The following TMEM244 variants were observed in gnomAD, a reference collection of about 807,000 sequenced individuals.
TMEM244 encodes transmembrane protein 244, also known as putative transmembrane protein 244.
In TMEM244, 13 loss-of-function variants were observed where a neutral mutation model predicts 15.8. The ratio of observed to expected loss-of-function variants is 0.82; its 90% CI spans 0.53 to 1.30. The LOEUF (loss-of-function observed/expected upper bound fraction) is 1.30. Among genes scored for constraint, TMEM244 ranks in the 50% most tolerant of loss-of-function variants. TMEM244 has a pLI of 0.00. For missense variants in TMEM244, 161 were observed against 144.9 expected (o/e 1.11, Z -0.57); for synonymous variants, 45 against 48.7 (o/e 0.92, Z 0.32).
At chr6:129,853,695 A>G (rs1776665917) in intron 1 of TMEM244, among the ~76,000 whole-genome samples, 1 of 152,196 alleles carries the variant, frequency 6.6e-6, no homozygotes, top group African/African-American at 2.4e-5. Context: ...AGAAAAGACT[A>G]TACCTGTGTA....
At chr6:129,851,049 C>T (rs1208365791) in intron 1 of TMEM244, among the ~76,000 whole-genome samples, 2 of 152,164 alleles carry the variant, frequency 1.3e-5, no homozygotes, top group Admixed American at 1.3e-4. Context: ...TACCTCACCA[C>T]TATATGCTTG....
At chr6:129,838,997 G>T (rs144206746) in intron 3 of TMEM244, among the ~76,000 whole-genome samples, 2 of 152,186 alleles carry the variant, frequency 1.3e-5, no homozygotes, top group African/African-American at 2.4e-5. Context: ...TTCTACCAGA[G>T]GTACAAAGAG....
chr6:129,833,727 C>A, intron 3 of TMEM244, 142 bp from the exon 4 acceptor site: 1 of 802,724 alleles, frequency 1.2e-6, no homozygotes, highest in Non-Finnish European at 1.9e-6. Flanking sequence ...CCTAACAATC[C>A]TCAAATTTGG....
chr6:129,857,521 G>T (rs1008074095), intron 1 of TMEM244, among the ~76,000 whole-genome samples: 2 of 151,888 alleles, frequency 1.3e-5, no homozygotes, highest in Admixed American at 1.3e-4. Flanking sequence ...ACCACGCCTG[G>T]CTAATTTTTT....
chr6:129,852,799 ATCT>A (rs1776652647), intron 1 of TMEM244, among the ~76,000 whole-genome samples: 1 of 152,022 alleles, frequency 6.6e-6, no homozygotes, highest in Non-Finnish European at 1.5e-5. Flanking sequence ...ATTCTAGGTA[ATCT>A]TCTCCTGACT....
At chr6:129,842,302 G>T (rs1005753042) in intron 3 of TMEM244, among the ~76,000 whole-genome samples, 10 of 152,104 alleles carry the variant, frequency 6.6e-5, no homozygotes, top group Non-Finnish European at 1.3e-4. Context: ...ATCATTTGTG[G>T]ATAGTGTTGG....
intron 1 of TMEM244, among the ~76,000 whole-genome samples, chr6:129,847,571 G>A (rs188265196): frequency 1.3e-5 from 2 of 151,984 alleles, no homozygotes; most frequent in Non-Finnish European, 2.9e-5. Flanking sequence ...AGGCCTAAGA[G>A]GGCCATGAGA....
At chr6:129,845,097 A>G (rs1276587535) in intron 2 of TMEM244, among the ~76,000 whole-genome samples, 1 of 152,198 alleles carries the variant, frequency 6.6e-6, no homozygotes, top group Non-Finnish European at 1.5e-5. Flanking sequence ...AAATACACGT[A>G]TTATCCCATT....
chr6:129,846,026 G>C (rs1276696002), intron 1 of TMEM244, among the ~76,000 whole-genome samples, 174 bp from the exon 2 acceptor site: 1 of 152,144 alleles, frequency 6.6e-6, no homozygotes, highest in African/African-American at 2.4e-5. Flanking sequence ...AGCTTCTTTA[G>C]CGGTATAATT....
intron 1 of TMEM244, among the ~76,000 whole-genome samples, 160 bp from the exon 2 acceptor site, chr6:129,846,012 T>C (rs1776556136): frequency 6.6e-6 from 1 of 152,220 alleles, no homozygotes; most frequent in African/African-American, 2.4e-5. Flanking sequence ...AGTGCCCATC[T>C]TGGAGCTTCT....
intron 3 of TMEM244, among the ~76,000 whole-genome samples, chr6:129,838,679 T>A (rs907897672): frequency 1.3e-5 from 2 of 151,596 alleles, no homozygotes; most frequent in Non-Finnish European, 2.9e-5. Flanking sequence ...AATAGACCAC[T>A]AGCAAGACTA....
intron 4 of TMEM244, among the ~76,000 whole-genome samples, chr6:129,832,787 T>C (rs2114631349): frequency 6.6e-6 from 1 of 152,302 alleles, no homozygotes; most frequent in East Asian, 1.9e-4. Flanking sequence ...TTTGTATCTG[T>C]TTTCTTCTGG....
chr6:129,850,537 A>G (rs1014736867), intron 1 of TMEM244, among the ~76,000 whole-genome samples: 9 of 152,206 alleles, frequency 5.9e-5, no homozygotes, highest in Admixed American at 5.9e-4. Context: ...GATGGACAAT[A>G]AGAGGAGCAG....
chr6:129,860,102 TGC>T (rs1257000237), intron 1 of TMEM244, among the ~76,000 whole-genome samples: 14 of 105,320 alleles, frequency 1.3e-4, no homozygotes, highest in African/African-American at 4.8e-4. Context: ...TTCTCTGCAA[TGC>T]GTGTGTGTGT....
At position 129,832,876 on chromosome 6, in the gene TMEM244, G is replaced by A. The variant is rs1371926564; in HGVS notation, c.319+584C>T. On this transcript the variant is annotated intron_variant, in intron 4 of 4. Coordinates refer to ENST00000368143, the MANE Select transcript of TMEM244 (RefSeq NM_001010876.2). Reference sequence around the variant, plus strand: ...ATTTTAAAATAACTATTGTTGGATAGGCGTCCGTGCATCCCCCGAGTCTTT... The same window carrying A: ...ATTTTAAAATAACTATTGTTGGATAAGCGTCCGTGCATCCCCCGAGTCTTT... Among the ~76,000 whole-genome samples the A allele has an allele frequency of 3.9e-5, 6 of 152,160 alleles. No individual in the cohort carries two copies. The East Asian group carries it at 1.2e-3, about 29-fold the overall frequency.
chr6:129,843,640 T>A (rs1479109949), intron 2 of TMEM244, 37 bp from the exon 3 acceptor site: 2 of 1,487,280 alleles, frequency 1.3e-6, no homozygotes, highest in South Asian at 1.2e-5. Flanking sequence ...TTACTCTGAA[T>A]GAGGCAGTTC....
At chr6:129,853,844 T>C (rs1361577614) in intron 1 of TMEM244, among the ~76,000 whole-genome samples, 1 of 152,188 alleles carries the variant, frequency 6.6e-6, no homozygotes, top group Non-Finnish European at 1.5e-5. Flanking sequence ...ATTCAGAGCT[T>C]AAGTGGAGCC....
intron 1 of TMEM244, among the ~76,000 whole-genome samples, chr6:129,847,714 C>T (rs935693014): frequency 1.3e-5 from 2 of 152,004 alleles, no homozygotes; most frequent in Non-Finnish European, 2.9e-5. Context: ...TCTCTCTGCC[C>T]TGATTCTCAT....
chr6:129,838,023 G>C (rs1231146431), intron 3 of TMEM244, among the ~76,000 whole-genome samples: 1 of 151,994 alleles, frequency 6.6e-6, no homozygotes, highest in African/African-American at 2.4e-5. Context: ...CAAGACAGAA[G>C]GTTAACAAGG....
Sources: allele counts gnomAD v4.1 joint callset (sites outside exome capture counted in the v4.1 genomes callset), GRCh38; gene constraint gnomAD v4.1.1; transcripts MANE v1.5; gene names NCBI Gene and HGNC (gene_info 2026-07-23, HGNC 2026-07-21).